ST8SIA5: variants seen among roughly 807,000 people sequenced by gnomAD.
ST8SIA5 encodes the protein alpha-2,8-sialyltransferase 8E.
A neutral mutation model predicts 40.2 loss-of-function variants in ST8SIA5; 24 were observed. The observed-to-expected ratio is 0.60, with a 90% CI of 0.43 to 0.84. The LOEUF (loss-of-function observed/expected upper bound fraction) is 0.84. ST8SIA5 is among the 40% of genes least tolerant of loss of function. The probability of loss-of-function intolerance (pLI) is 0.00; values close to 1 mark genes in which losing one functional copy is unlikely to be tolerated. For missense variants in ST8SIA5, 465 were observed against 498.5 expected (o/e 0.93, Z 0.64); for synonymous variants, 198 against 201.8 (o/e 0.98, Z 0.16).
Position 46,680,244 on chromosome 18 carries a change from A to T in ST8SIA5, c.929T>A (p.Leu310Gln). The change falls in exon 7 of 7, where the codon CTG becomes CAG. Residue 310 changes from leucine (L) to glutamine (Q), a missense_variant. Physicochemically the swap from Leu to Gln is moderately radical, Grantham distance 113 (BLOSUM62 -2). Coordinates refer to ENST00000315087, the MANE Select transcript of ST8SIA5 (RefSeq NM_013305.6). ...STGLILVTAA[L>Q]ELCEEVHLFG... ...GAGGTGCACCTCCTCACAGAGCTCC[A>T]GCGCCGCAGTGACCAGAATGAGGCC... 1 of 1,614,240 alleles carries T rather than the reference A, an allele frequency of 6.2e-7. No homozygotes were observed. Among genetic ancestry groups the T allele is most frequent in the Non-Finnish European group, 8.5e-7 (1 of 1,180,030 alleles).
At position 46,676,349 on chromosome 18, in the gene ST8SIA5, G is replaced by A. The variant is rs751633840; in HGVS notation, c.*3693C>T. Reference sequence around the variant, plus strand: ...CCACAAACTCCCGGAGGGCAGGGACGACGTTTTGTTCATCACTAGCTCCCC... The same window carrying A: ...CCACAAACTCCCGGAGGGCAGGGACAACGTTTTGTTCATCACTAGCTCCCC... On this transcript the variant is annotated 3_prime_UTR_variant, in exon 7 of 7. Coordinates refer to ENST00000315087, the MANE Select transcript of ST8SIA5 (RefSeq NM_013305.6). The A allele has an allele frequency of 5.9e-5, 9 of 152,216 alleles. No individual in the cohort carries two copies. The highest frequency in any genetic ancestry group is 1.2e-4 in the African/African-American group (5 of 41,436). The allele number at this position is 152,216 out of a possible 1,614,324, so 9.4% of individuals were successfully genotyped here.
In ST8SIA5 at chr18:46,756,588, C is replaced by G; in HGVS notation, c.-80G>C. On this transcript the variant is annotated 5_prime_UTR_variant, in exon 1 of 7. Transcript: ENST00000315087. ...CGGGGTTCCGGGGCCCCGGGGGGCGCGCGGCCGACTTGGCGCCTCACGGTG... is the reference window on the plus strand; with the variant it reads ...CGGGGTTCCGGGGCCCCGGGGGGCGGGCGGCCGACTTGGCGCCTCACGGTG... 6.7e-7 allele frequency: 1 copy of G among 1,485,010 alleles called. No homozygotes were observed. The highest frequency in any genetic ancestry group is 9.0e-7 in the Non-Finnish European group (1 of 1,113,868). 92.0% of individuals were successfully genotyped at this position (1,485,010 alleles called of 1,614,324 possible). A position where few individuals can be genotyped will look rare whatever the true frequency, so the allele number is the denominator to read the frequency against.
chr18:46,738,092 A>G (rs1291801621), intron 1 of ST8SIA5, among the ~76,000 whole-genome samples: 1 of 152,092 alleles, frequency 6.6e-6, no homozygotes, highest in Admixed American at 6.6e-5. Flanking sequence ...TTATTACCTC[A>G]TGAATCCTTC....
intron 2 of ST8SIA5, among the ~76,000 whole-genome samples, chr18:46,702,162 A>AAG (rs1397229518): frequency 1.3e-5 from 2 of 151,128 alleles, no homozygotes; most frequent in East Asian, 3.9e-4. Context: ...AAAAAAAAAA[A>AAG]CAGAAATTAG....
Position 46,691,967 on chromosome 18 carries a change from G to A in ST8SIA5, c.311+202C>T. The A allele has an allele frequency of 6.7e-6, 4 of 597,810 alleles. No homozygotes were observed. The East Asian group carries it at 8.7e-5, about 13-fold the overall frequency. 37.0% of individuals were successfully genotyped at this position (597,810 alleles called of 1,614,324 possible). On this transcript the variant is annotated intron_variant, in intron 3 of 6. Coordinates refer to ENST00000315087, the MANE Select transcript of ST8SIA5 (RefSeq NM_013305.6). ...AAGGACTAAGGGAGAGAAGGTGGAG[G>A]ATAGCACCTGGGCAAGGTGCCTGCC...
At chr18:46,721,519 G>T in intron 1 of ST8SIA5, 1 of 1,458,066 alleles carries the variant, frequency 6.9e-7, no homozygotes, top group Non-Finnish European at 9.3e-7. Context: ...GCTGGGTTAA[G>T]CCTGCCTACC....
At position 46,679,747 on chromosome 18, in the gene ST8SIA5, TC is replaced by T; in HGVS notation, c.*294del. On this transcript the variant is annotated 3_prime_UTR_variant, in exon 7 of 7. Coordinates refer to ENST00000315087, the MANE Select transcript of ST8SIA5 (RefSeq NM_013305.6). ...GGAAATGTGCTTTATTCACTTGCCG[TC>T]CCCAGGGCCCCTGATCTTGGGGTGT... 2.3e-6 allele frequency: 1 copy of T among 442,692 alleles called. No individual in the cohort carries two copies. Among genetic ancestry groups the T allele is most frequent in the Non-Finnish European group, 4.1e-6 (1 of 244,828 alleles). 27.4% of individuals were successfully genotyped at this position (442,692 alleles called of 1,614,324 possible). A position where few individuals can be genotyped will look rare whatever the true frequency, so the allele number is the denominator to read the frequency against.
intron 1 of ST8SIA5, among the ~76,000 whole-genome samples, chr18:46,746,695 C>T (rs1033315747): frequency 3.9e-5 from 6 of 151,968 alleles, no homozygotes; most frequent in Non-Finnish European, 5.9e-5. Flanking sequence ...CAATGACTTT[C>T]GTCACAGAAT....
At chr18:46,747,076 G>A (rs185985850) in intron 1 of ST8SIA5, among the ~76,000 whole-genome samples, 2 of 152,174 alleles carry the variant, frequency 1.3e-5, no homozygotes, top group South Asian at 2.1e-4. Context: ...AATTCAAGAC[G>A]GATTAAAGAC....
At chr18:46,717,478 G>A (rs2039804494) in intron 1 of ST8SIA5, among the ~76,000 whole-genome samples, 1 of 152,172 alleles carries the variant, frequency 6.6e-6, no homozygotes, top group African/African-American at 2.4e-5. Context: ...TGGGATTACA[G>A]ACATGTGCCA....
intron 1 of ST8SIA5, among the ~76,000 whole-genome samples, chr18:46,709,718 C>T (rs1488767782): frequency 1.3e-5 from 2 of 152,050 alleles, no homozygotes; most frequent in African/African-American, 2.4e-5. Flanking sequence ...ATTATATATA[C>T]GTATGTGAAA....
chr18:46,751,309 T>G (rs959843707), intron 1 of ST8SIA5, among the ~76,000 whole-genome samples: 1 of 152,234 alleles, frequency 6.6e-6, no homozygotes, highest in African/African-American at 2.4e-5. Flanking sequence ...TTTCAGAACT[T>G]CCTTTCTTTT....
At chr18:46,696,635 C>A (rs1327116520) in intron 2 of ST8SIA5, among the ~76,000 whole-genome samples, 1 of 152,208 alleles carries the variant, frequency 6.6e-6, no homozygotes, top group African/African-American at 2.4e-5. Context: ...TGCTGCCCTT[C>A]CAGTCTTAAA....
chr18:46,712,631 C>T lies in ST8SIA5; in HGVS notation c.132-7967G>A, dbSNP rs191519339. On this transcript the variant is annotated intron_variant, in intron 1 of 6. Coordinates refer to ENST00000315087, the MANE Select transcript of ST8SIA5 (RefSeq NM_013305.6). ...TACACACAGCTCCTCCATGGCCTGT[C>T]TGCGCTGTTGATGCGTGAGAAGGGT... 1.7e-3 allele frequency among the ~76,000 whole-genome samples: 256 copies of T among 152,296 alleles called. 1 individual carries two copies. The highest frequency in any genetic ancestry group is 3.8e-4 in the Non-Finnish European group (26 of 68,032).
intron 1 of ST8SIA5, among the ~76,000 whole-genome samples, chr18:46,717,601 A>C (rs2039805730): frequency 6.6e-6 from 1 of 152,110 alleles, no homozygotes; most frequent in African/African-American, 2.4e-5. Context: ...CCAGAAGCCC[A>C]CAAATGTCAG....
At chr18:46,753,310 T>C (rs1057096883) in intron 1 of ST8SIA5, among the ~76,000 whole-genome samples, 1 of 152,174 alleles carries the variant, frequency 6.6e-6, no homozygotes. Context: ...CAGTGGCTCA[T>C]GCCTGTAATC....
chr18:46,747,514 CAAT>C (rs1284364922), intron 1 of ST8SIA5, among the ~76,000 whole-genome samples: 2 of 152,190 alleles, frequency 1.3e-5, no homozygotes, highest in African/African-American at 4.8e-5. Flanking sequence ...ATCAAAACCA[CAAT>C]GAGATACCAT....
chr18:46,697,943 T>C (rs1211073501), intron 2 of ST8SIA5, among the ~76,000 whole-genome samples: 1 of 152,192 alleles, frequency 6.6e-6, no homozygotes, highest in Non-Finnish European at 1.5e-5. Context: ...CTCATGCTTC[T>C]CATGTATCCC....
At chr18:46,748,627 C>A (rs1227867156) in intron 1 of ST8SIA5, among the ~76,000 whole-genome samples, 2 of 139,116 alleles carry the variant, frequency 1.4e-5, no homozygotes, top group Non-Finnish European at 3.1e-5. Flanking sequence ...AAATAGCTAA[C>A]AAGCACATTA....
Sources: allele counts gnomAD v4.1 joint callset (sites outside exome capture counted in the v4.1 genomes callset), GRCh38; gene constraint gnomAD v4.1.1; transcripts MANE v1.5; gene names NCBI Gene and HGNC (gene_info 2026-07-23, HGNC 2026-07-21).